The following JAK2 variants were observed in gnomAD, a reference collection of about 807,000 sequenced individuals.
JAK2 encodes tyrosine-protein kinase JAK2.
In JAK2, 86 loss-of-function variants were observed where a neutral mutation model predicts 139.3. The ratio of observed to expected loss-of-function variants is 0.62; its 90% CI spans 0.52 to 0.74. The LOEUF (loss-of-function observed/expected upper bound fraction) is 0.74, where lower values mean the gene tolerates loss of function less well. Among genes scored for constraint, JAK2 ranks in the 30% least tolerant of loss-of-function variants. The pLI, the probability that JAK2 is intolerant of heterozygous loss-of-function variation, is 0.00. For missense variants in JAK2, 1,421 were observed against 1,360.3 expected, an observed-to-expected ratio of 1.04 and a Z score of -0.70; for synonymous variants, 490 against 437.7, an observed-to-expected ratio of 1.12 and a Z score of -1.49.
intron 2 of JAK2, among the ~76,000 whole-genome samples, chr9:5,006,491 C>T (rs1005298444): frequency 2.6e-5 from 4 of 152,070 alleles, no homozygotes; most frequent in Admixed American, 2.0e-4. Context: ...CTATCTGAGA[C>T]TGGGTAGTTT....
chr9:5,017,579 G>A (rs960430231), intron 2 of JAK2, among the ~76,000 whole-genome samples: 1 of 151,904 alleles, frequency 6.6e-6, no homozygotes, highest in Admixed American at 6.6e-5. Flanking sequence ...ATGTAATGTT[G>A]TTTGACATCT....
intron 22 of JAK2, among the ~76,000 whole-genome samples, chr9:5,115,626 G>T (rs1014399091): frequency 2.4e-4 from 36 of 152,136 alleles, no homozygotes; most frequent in Non-Finnish European, 3.1e-4. Flanking sequence ...GTTTATTGTG[G>T]CACTTTTCAC....
chr9:5,087,350 C>T (rs1382968221), intron 19 of JAK2, among the ~76,000 whole-genome samples: 1 of 152,192 alleles, frequency 6.6e-6, no homozygotes, highest in Non-Finnish European at 1.5e-5. Flanking sequence ...ATCACGAGAA[C>T]AGCATGGAGG....
At chr9:5,004,133 T>C (rs1563919348) in intron 2 of JAK2, among the ~76,000 whole-genome samples, 1 of 152,212 alleles carries the variant, frequency 6.6e-6, no homozygotes, top group Non-Finnish European at 1.5e-5. Context: ...ACTTATCTTT[T>C]GTGGTGAGAA....
chr9:5,078,810 G>A (rs1819483748), intron 16 of JAK2, among the ~76,000 whole-genome samples: 1 of 151,908 alleles, frequency 6.6e-6, no homozygotes, highest in African/African-American at 2.4e-5. Flanking sequence ...GAGATTTTAG[G>A]ATTTTTTTCT....
chr9:5,045,651 A>C (rs1816956104), intron 5 of JAK2, among the ~76,000 whole-genome samples: 3 of 152,192 alleles, frequency 2.0e-5, no homozygotes, highest in South Asian at 2.1e-4. Context: ...TACCTCATAC[A>C]AATGGAGTTA....
intron 8 of JAK2, among the ~76,000 whole-genome samples, chr9:5,062,593 A>T (rs553668423): frequency 6.6e-6 from 1 of 151,720 alleles, no homozygotes; most frequent in South Asian, 2.1e-4. Flanking sequence ...CTGTATATCA[A>T]TAAGAGGGAT....
chr9:5,099,714 A>G (rs1320922722), intron 22 of JAK2: 2 of 152,204 alleles, frequency 1.3e-5, no homozygotes, highest in Admixed American at 1.3e-4. Context: ...TCCAACCTGC[A>G]CTAAAACAGA....
chr9:5,003,583 G>A (rs1398487396), intron 2 of JAK2, among the ~76,000 whole-genome samples: 1 of 151,958 alleles, frequency 6.6e-6, no homozygotes, highest in African/African-American at 2.4e-5. Flanking sequence ...TTGTGACTTT[G>A]CTAAATTCAC....
At chr9:5,036,051 A>G (rs981503732) in intron 4 of JAK2, among the ~76,000 whole-genome samples, 17 of 152,250 alleles carry the variant, frequency 1.1e-4, no homozygotes. Flanking sequence ...TACAAAATCA[A>G]TGTGCAAAAA....
intron 2 of JAK2, among the ~76,000 whole-genome samples, chr9:5,000,072 G>A (rs1267662692): frequency 1.3e-5 from 2 of 151,788 alleles, no homozygotes; most frequent in African/African-American, 4.8e-5. Flanking sequence ...TTTGTGAAAT[G>A]CCTATTTATG....
intron 14 of JAK2, among the ~76,000 whole-genome samples, 154 bp from the exon 15 acceptor site, chr9:5,077,299 C>T (rs966380193): frequency 2.0e-5 from 3 of 150,762 alleles, no homozygotes; most frequent in Non-Finnish European, 3.0e-5. Context: ...AAATATAATG[C>T]TGTGTATCCA....
intron 22 of JAK2, among the ~76,000 whole-genome samples, chr9:5,092,588 C>A (rs529732264): frequency 2.6e-5 from 4 of 152,098 alleles, no homozygotes; most frequent in Non-Finnish European, 5.9e-5. Flanking sequence ...ACAATAGATA[C>A]AGTACCGTAA....
chr9:5,028,160 C>A (rs1262264579), intron 3 of JAK2, among the ~76,000 whole-genome samples: 1 of 152,180 alleles, frequency 6.6e-6, no homozygotes, highest in African/African-American at 2.4e-5. Flanking sequence ...ATTTGAAAGT[C>A]AAATTGCTCC....
intron 3 of JAK2, 66 bp from the exon 4 acceptor site, chr9:5,029,717 A>T: frequency 2.2e-6 from 3 of 1,369,878 alleles, no homozygotes; most frequent in Non-Finnish European, 2.0e-6. Flanking sequence ...ATTTCAAATT[A>T]TAGGTGCTAT....
chr9:5,042,304 A>AT (rs1045425007), intron 4 of JAK2, among the ~76,000 whole-genome samples: 1 of 150,998 alleles, frequency 6.6e-6, no homozygotes, highest in African/African-American at 2.4e-5. Flanking sequence ...CGCCCGGCTA[A>AT]TTTTTTGTAT....
chr9:5,028,276 A>T (rs1013788880), intron 3 of JAK2, among the ~76,000 whole-genome samples: 1 of 152,212 alleles, frequency 6.6e-6, no homozygotes. Context: ...TGCATTGTCA[A>T]TGAGTAATAA....
chr9:5,035,448 C>CAATA (rs1484613915), intron 4 of JAK2, among the ~76,000 whole-genome samples: 1 of 152,138 alleles, frequency 6.6e-6, no homozygotes, highest in African/African-American at 2.4e-5. Flanking sequence ...AATTTTATAC[C>CAATA]AATATCCTTG....
intron 22 of JAK2, chr9:5,108,357 A>G (rs1822149177): frequency 1.3e-5 from 2 of 152,078 alleles, no homozygotes; most frequent in South Asian, 4.2e-4. Context: ...CCTCAATGCA[A>G]GCTCATATTT....
Sources: allele counts gnomAD v4.1 joint callset (sites outside exome capture counted in the v4.1 genomes callset), GRCh38; gene constraint gnomAD v4.1.1; transcripts MANE v1.5; gene names NCBI Gene and HGNC (gene_info 2026-07-23, HGNC 2026-07-21).